The following KCNJ16 variants were observed in gnomAD, a reference collection of about 807,000 sequenced individuals.
KCNJ16 encodes inward rectifier potassium channel 16.
A neutral mutation model predicts 18.5 loss-of-function variants in KCNJ16; 15 were observed. That is an observed-to-expected ratio of 0.81 (90% CI 0.54 to 1.25). The LOEUF (loss-of-function observed/expected upper bound fraction) is 1.25, where lower values mean the gene tolerates loss of function less well. Among genes scored for constraint, KCNJ16 ranks in the 50% most tolerant of loss-of-function variants. The pLI, the probability that KCNJ16 is intolerant of heterozygous loss-of-function variation, is 0.00. For missense variants in KCNJ16, 523 were observed against 525.7 expected (o/e 0.99, Z 0.05); for synonymous variants, 174 against 186.5 (o/e 0.93, Z 0.55).
At chr17:70,131,188 C>T (rs1178399591) in intron 3 of KCNJ16, among the ~76,000 whole-genome samples, 7 of 119,116 alleles carry the variant, frequency 5.9e-5, no homozygotes, top group African/African-American at 2.6e-4. Flanking sequence ...GAAGAGCTGC[C>T]AGTGTCAAAA....
intron 2 of KCNJ16, chr17:70,101,389 C>T (rs1187975076): frequency 6.6e-6 from 1 of 152,108 alleles, no homozygotes; most frequent in Non-Finnish European, 1.5e-5. Context: ...ACTGCAAAAG[C>T]TATATGAAAA....
At chr17:70,111,277 T>C (rs754176537) in intron 2 of KCNJ16, among the ~76,000 whole-genome samples, 1 of 152,144 alleles carries the variant, frequency 6.6e-6, no homozygotes, top group Non-Finnish European at 1.5e-5. Context: ...ACAAAAGATA[T>C]AATACAACCT....
At chr17:70,115,866 C>T (rs1230267413) in intron 2 of KCNJ16, among the ~76,000 whole-genome samples, 2 of 152,162 alleles carry the variant, frequency 1.3e-5, no homozygotes, top group Non-Finnish European at 2.9e-5. Context: ...ATTACAGCAT[C>T]GATGGCTGAC....
In KCNJ16 at chr17:70,099,437, C is replaced by T. The variant is rs375604632; in HGVS notation, c.-299-1221C>T. Among the ~76,000 whole-genome samples the T allele has an allele frequency of 1.4e-4, 22 of 152,156 alleles. No homozygotes were observed. The East Asian group carries it at 3.7e-3, about 25-fold the overall frequency. ...ATCTTGTGAAAGCTATAGGGAGACA[C>T]ATTTTTATCTGAGTTTAAGGAAGGA... On this transcript the variant is annotated intron_variant, in intron 1 of 3. Coordinates refer to ENST00000392671, the MANE Select transcript of KCNJ16 (RefSeq NM_170741.4).
At chr17:70,113,226 T>C (rs986674715) in intron 2 of KCNJ16, among the ~76,000 whole-genome samples, 13 of 152,314 alleles carry the variant, frequency 8.5e-5, no homozygotes, top group Non-Finnish European at 1.5e-4. Context: ...CAGGGAAGCA[T>C]CTTTGTTCCT....
At chr17:70,085,292 G>A (rs1438772699) in intron 1 of KCNJ16, among the ~76,000 whole-genome samples, 1 of 152,104 alleles carries the variant, frequency 6.6e-6, no homozygotes, top group East Asian at 1.9e-4. Context: ...CTAAACCTGT[G>A]CCATGCACCA....
intron 2 of KCNJ16, among the ~76,000 whole-genome samples, chr17:70,125,134 C>T (rs1374619071): frequency 6.6e-6 from 1 of 151,964 alleles, no homozygotes; most frequent in Non-Finnish European, 1.5e-5. Context: ...GCCATAGTGG[C>T]ACACATCTAC....
chr17:70,109,927 A>G (rs190730068), intron 2 of KCNJ16, among the ~76,000 whole-genome samples: 40 of 152,304 alleles, frequency 2.6e-4, no homozygotes, highest in Non-Finnish European at 4.9e-4. Flanking sequence ...GGATCTCCCA[A>G]GGCTAAAAGA....
chr17:70,098,399 A>G (rs1019347120), intron 1 of KCNJ16, among the ~76,000 whole-genome samples: 1 of 152,232 alleles, frequency 6.6e-6, no homozygotes, highest in African/African-American at 2.4e-5. Context: ...TTGAATATTC[A>G]TAACATTTTA....
Position 70,121,021 on chromosome 17 carries a change from G to A in KCNJ16, c.-190-9858G>A, listed in dbSNP as rs950769843. 2.6e-5 allele frequency among the ~76,000 whole-genome samples: 4 copies of A among 152,310 alleles called. No individual in the cohort carries two copies. The South Asian group carries it at 8.3e-4, about 32-fold the overall frequency. On this transcript the variant is annotated intron_variant, in intron 2 of 3. Transcript: ENST00000392671. ...GGGGGTATAAATGATTTGGGGGAAAGATGATGGGGTCCATAGAAGAAGAGG... is the reference window on the plus strand; with the variant it reads ...GGGGGTATAAATGATTTGGGGGAAAAATGATGGGGTCCATAGAAGAAGAGG...
intron 2 of KCNJ16, among the ~76,000 whole-genome samples, chr17:70,118,371 C>A (rs1363360151): frequency 6.6e-6 from 1 of 151,612 alleles, no homozygotes; most frequent in Admixed American, 6.6e-5. Flanking sequence ...AACAAACCTG[C>A]ATGTTCTGCA....
chr17:70,132,046 C>G lies in KCNJ16; in HGVS notation c.-42C>G. 3 of 1,612,768 alleles carry G rather than the reference C, an allele frequency of 1.9e-6. No homozygotes were observed. The highest frequency in any genetic ancestry group is 1.7e-6 in the Non-Finnish European group (2 of 1,179,686). ...AATAGCAACAAGTCTAGAATTCTTACTACTACAAAACTCACCTGGATCCCT... is the reference window on the plus strand; with the variant it reads ...AATAGCAACAAGTCTAGAATTCTTAGTACTACAAAACTCACCTGGATCCCT... On this transcript the variant is annotated 5_prime_UTR_variant, in exon 4 of 4. Transcript: ENST00000392671.
At chr17:70,127,555 C>G (rs953306919) in intron 2 of KCNJ16, among the ~76,000 whole-genome samples, 1 of 152,010 alleles carries the variant, frequency 6.6e-6, no homozygotes, top group Non-Finnish European at 1.5e-5. Context: ...ACCCAAAGCC[C>G]ACCCATATGT....
intron 2 of KCNJ16, chr17:70,101,736 A>G (rs1284915215): frequency 6.6e-6 from 1 of 152,032 alleles, no homozygotes; most frequent in African/African-American, 2.4e-5. Flanking sequence ...CCCGCTACCA[A>G]TACTTGCAGA....
chr17:70,124,903 T>TGTGTGTGTGTGG (rs1271550918), intron 2 of KCNJ16, among the ~76,000 whole-genome samples: 1 of 151,998 alleles, frequency 6.6e-6, no homozygotes, highest in Non-Finnish European at 1.5e-5. Flanking sequence ...TGTGTTTGTG[T>TGTGTGTGTGTGG]GTGTGTGTTC....
intron 2 of KCNJ16, among the ~76,000 whole-genome samples, chr17:70,116,715 C>G (rs1284856914): frequency 1.3e-5 from 2 of 152,164 alleles, no homozygotes; most frequent in Non-Finnish European, 2.9e-5. Flanking sequence ...CTCACTATCA[C>G]TAAGCATCAG....
At chr17:70,125,544 T>A (rs748888251) in intron 2 of KCNJ16, among the ~76,000 whole-genome samples, 5 of 152,152 alleles carry the variant, frequency 3.3e-5, no homozygotes, top group African/African-American at 7.2e-5. Flanking sequence ...AAAAGGCTCC[T>A]GGTCCAGACC....
chr17:70,111,673 C>T (rs2073189729), intron 2 of KCNJ16, among the ~76,000 whole-genome samples: 1 of 152,030 alleles, frequency 6.6e-6, no homozygotes, highest in Admixed American at 6.6e-5. Flanking sequence ...CCATAATTCC[C>T]ATGTGTGTGG....
chr17:70,090,535 C>T (rs561772524), intron 1 of KCNJ16, among the ~76,000 whole-genome samples: 52 of 152,264 alleles, frequency 3.4e-4, no homozygotes, highest in African/African-American at 1.0e-3. Flanking sequence ...TAAGTTCATA[C>T]GATAGACATT....
Sources: gnomAD v4.1 joint callset for allele counts (sites outside exome capture counted in the v4.1 genomes callset) on GRCh38, gnomAD v4.1.1 for gene constraint, MANE v1.5 for transcripts, NCBI Gene and HGNC (gene_info 2026-07-23, HGNC 2026-07-21) for gene names.